ATE1: variants seen among roughly 807,000 people sequenced by gnomAD.
ATE1 encodes the protein arginyltransferase 1, also known as arginyl-tRNA--protein transferase 1.
A neutral mutation model predicts 70.5 loss-of-function variants in ATE1; 36 were observed. The ratio of observed to expected loss-of-function variants is 0.51; its 90% CI spans 0.39 to 0.67. ATE1 has a LOEUF of 0.67. ATE1 is among the 30% of genes least tolerant of loss of function. The pLI, the probability that ATE1 is intolerant of heterozygous loss-of-function variation, is 0.00. For synonymous variants in ATE1, 232 were observed against 219.3 expected (o/e 1.06, Z -0.51); for missense variants, 593 against 629.5 (o/e 0.94, Z 0.62).
intron 8 of ATE1, among the ~76,000 whole-genome samples, chr10:121,850,846 C>T (rs1013761018): frequency 6.6e-6 from 1 of 152,106 alleles, no homozygotes; most frequent in Non-Finnish European, 1.5e-5. Context: ...AATCCCAGCA[C>T]TTTGGGAGGC....
intron 11 of ATE1, among the ~76,000 whole-genome samples, chr10:121,748,840 T>C (rs146109468): frequency 4.1e-4 from 62 of 152,292 alleles, no homozygotes; most frequent in Middle Eastern, 3.4e-3. Flanking sequence ...TGTTAATGCA[T>C]CCAAGTCACT....
Position 121,814,722 on chromosome 10 carries a change from G to A in ATE1, c.1257+21996C>T, listed in dbSNP as rs532650756. On this transcript the variant is annotated intron_variant, in intron 10 of 11. Coordinates refer to ENST00000224652, the MANE Select transcript of ATE1 (RefSeq NM_001001976.3). ...GTGATGGAGCATCCTGGCGGGATGA[G>A]GAAGGGTGGAAAAACTGGCTTTCAT... Among the ~76,000 whole-genome samples the A allele has an allele frequency of 6.6e-5, 10 of 152,296 alleles. No homozygotes were observed. The East Asian group carries it at 1.9e-3, about 29-fold the overall frequency.
intron 11 of ATE1, among the ~76,000 whole-genome samples, chr10:121,760,249 A>C (rs534766742): frequency 6.6e-6 from 1 of 152,342 alleles, no homozygotes; most frequent in African/African-American, 2.4e-5. Flanking sequence ...TTCCATTTTC[A>C]AGTCTTACTA....
chr10:121,892,422 GA>G (rs1376862297), intron 7 of ATE1, among the ~76,000 whole-genome samples: 7 of 151,914 alleles, frequency 4.6e-5, no homozygotes, highest in Non-Finnish European at 2.9e-5. Flanking sequence ...AGGGGTTAGG[GA>G]AAGGGGGTTC....
chr10:121,844,602 TTA>T lies in ATE1; in HGVS notation c.976-3341_976-3340del. Among the ~76,000 whole-genome samples the T allele has an allele frequency of 2.0e-5, 3 of 152,276 alleles. No individual in the cohort carries two copies. In the Middle Eastern group the frequency reaches 0.01, roughly 518 times the overall value. ...GGATTCATCCAATTGATTTGAAAACTTATGTCACACAAAAACCTAAAACCCTA... is the reference window on the plus strand; with the variant it reads ...GGATTCATCCAATTGATTTGAAAACTTGTCACACAAAAACCTAAAACCCTA... On this transcript the variant is annotated intron_variant, in intron 8 of 11. Transcript: ENST00000224652.
intron 10 of ATE1, among the ~76,000 whole-genome samples, chr10:121,819,944 G>A (rs1947726869): frequency 6.6e-6 from 1 of 151,880 alleles, no homozygotes; most frequent in South Asian, 2.1e-4. Context: ...TCAGGAGTTC[G>A]AGACCAGCCT....
intron 4 of ATE1, among the ~76,000 whole-genome samples, chr10:121,911,453 A>AC (rs1554933095): frequency 5.9e-5 from 9 of 151,670 alleles, no homozygotes; most frequent in African/African-American, 1.2e-4. Context: ...AAAAAAAAAA[A>AC]AAAAAAACAA....
rs997420462 is a variant in ATE1, at chr10:121,900,078, C to G, written c.814-84G>C. 70 of 1,381,168 alleles carry G rather than the reference C, an allele frequency of 5.1e-5. No individual in the cohort carries two copies. In the East Asian group the frequency reaches 1.6e-3, roughly 32 times the overall value. The allele number at this position is 1,381,168 out of a possible 1,614,324, so 85.6% of individuals were successfully genotyped here. A position where few individuals can be genotyped will look rare whatever the true frequency, so the allele number is the denominator to read the frequency against. ...ATATGCATTAAGAGTAACTCCCATC[C>G]AAGAAACCAAGTTTCAACAATTATT... On this transcript the variant is annotated intron_variant, in intron 6 of 11. Coordinates refer to ENST00000224652, the MANE Select transcript of ATE1 (RefSeq NM_001001976.3).
At chr10:121,914,752 CTT>C (rs201229883) in intron 3 of ATE1, among the ~76,000 whole-genome samples, 1 of 150,952 alleles carries the variant, frequency 6.6e-6, no homozygotes, top group Admixed American at 6.6e-5. Flanking sequence ...CATAGAGCCT[CTT>C]ACAGGATGGA....
chr10:121,869,475 C>T (rs1949776321), intron 8 of ATE1, among the ~76,000 whole-genome samples: 1 of 152,156 alleles, frequency 6.6e-6, no homozygotes, highest in Non-Finnish European at 1.5e-5. Context: ...CATTGAAAAC[C>T]ATGATGAGGA....
chr10:121,798,695 T>G (rs897208409), intron 10 of ATE1, among the ~76,000 whole-genome samples: 5 of 152,110 alleles, frequency 3.3e-5, no homozygotes, highest in African/African-American at 1.2e-4. Flanking sequence ...AGGTCAGGAA[T>G]TCGAGATCAG....
chr10:121,845,632 AGAG>A (rs1948789751), intron 8 of ATE1, among the ~76,000 whole-genome samples: 1 of 152,200 alleles, frequency 6.6e-6, no homozygotes, highest in Admixed American at 6.5e-5. Context: ...TGTTTCCCAC[AGAG>A]TTACTGGTTA....
Position 121,841,064 on chromosome 10 carries a change from G to A in ATE1, c.1157+18C>T, listed in dbSNP as rs758145864. On this transcript the variant is annotated intron_variant, in intron 9 of 11. Transcript: ENST00000224652. The stretch of plus-strand genomic sequence containing the variant: ...GTTCTATATAACCCACTACAATAAC[G>A]GCAAAAAGCAATCTTACCGTAGTGC... The A allele has an allele frequency of 6.6e-6, 10 of 1,503,796 alleles. No individual in the cohort carries two copies. The highest frequency in any genetic ancestry group is 1.8e-4 in the Middle Eastern group (1 of 5,636). 93.2% of individuals were successfully genotyped at this position (1,503,796 alleles called of 1,614,324 possible). A position where few individuals can be genotyped will look rare whatever the true frequency, so the allele number is the denominator to read the frequency against.
intron 10 of ATE1, among the ~76,000 whole-genome samples, chr10:121,810,979 G>A (rs1248437667): frequency 2.0e-5 from 3 of 152,150 alleles, no homozygotes; most frequent in Admixed American, 6.5e-5. Flanking sequence ...GGAATTACAC[G>A]TGTGAGCCAT....
chr10:121,841,106 G>A lies in ATE1; in HGVS notation c.1133C>T (p.Ser378Phe), dbSNP rs1283568060. 1.3e-6 allele frequency: 2 copies of A among 1,572,902 alleles called. No individual in the cohort carries two copies. Among genetic ancestry groups the A allele is most frequent in the Admixed American group, 3.4e-5 (2 of 58,484 alleles). The change falls in exon 9 of 12, where the codon TCT becomes TTT. Residue 378 changes from serine (S) to phenylalanine (F), a missense_variant. Ser to Phe is a radical substitution (Grantham distance 155). This residue lies in a region of ATE1 where 467 missense variants were observed against 469.6 expected (regional missense o/e 0.99). Transcript: ENST00000224652. ...CCGTAGTGCAGAGTAGACGCCCAAA[G>A]ACAAAAACGAATAATCAGGATCGTA... ...LYYDPDYSFL[S>F]LGVYSALREI...
At chr10:121,890,720 A>G (rs1340150646) in intron 7 of ATE1, among the ~76,000 whole-genome samples, 5 of 152,198 alleles carry the variant, frequency 3.3e-5, no homozygotes, top group Non-Finnish European at 5.9e-5. Flanking sequence ...AAAGAATAAC[A>G]TCAATAGAAT....
chr10:121,860,745 C>T (rs150877368), intron 8 of ATE1, among the ~76,000 whole-genome samples: 184 of 152,060 alleles, frequency 1.2e-3, no homozygotes, highest in African/African-American at 4.1e-3. Context: ...ATTTTAAATC[C>T]TAATTCTCCA....
chr10:121,760,468 G>A (rs541609652), intron 11 of ATE1, among the ~76,000 whole-genome samples: 159 of 152,262 alleles, frequency 1.0e-3, no homozygotes, highest in African/African-American at 3.5e-3. Context: ...GATTTGGAGG[G>A]GTTTGAGAAT....
intron 8 of ATE1, among the ~76,000 whole-genome samples, chr10:121,862,139 T>C (rs970423503): frequency 6.6e-6 from 1 of 152,194 alleles, no homozygotes; most frequent in Non-Finnish European, 1.5e-5. Context: ...GCCAGCTTTC[T>C]GGATATTTGA....
Sources: gnomAD v4.1 joint callset for allele counts (sites outside exome capture counted in the v4.1 genomes callset) on GRCh38, gnomAD v4.1.1 for gene constraint, gnomAD v4.1.1 regional missense constraint, MANE v1.5 for transcripts, NCBI Gene and HGNC (gene_info 2026-07-23, HGNC 2026-07-21) for gene names.